PRCP: variants seen among roughly 807,000 people sequenced by gnomAD.
PRCP encodes lysosomal Pro-X carboxypeptidase.
PRCP carries 46 observed loss-of-function variants against 54.2 expected under a neutral mutation model. That is an observed-to-expected ratio of 0.85 (90% confidence interval 0.67 to 1.09). The LOEUF (loss-of-function observed/expected upper bound fraction) is 1.09, where lower values mean the gene tolerates loss of function less well. Among genes scored for constraint, PRCP ranks in the 50% least tolerant of loss-of-function variants. The probability of loss-of-function intolerance (pLI) is 0.00; values close to 1 mark genes in which losing one functional copy is unlikely to be tolerated. For missense variants in PRCP, 613 were observed against 596.8 expected (o/e 1.03, Z -0.28); for synonymous variants, 240 against 212.2 (o/e 1.13, Z -1.14).
chr11:82,850,227 A>G, intron 4 of PRCP, 97 bp downstream of exon 4: 1 of 1,180,952 alleles, frequency 8.5e-7, no homozygotes, highest in Non-Finnish European at 1.1e-6. Context: ...CAGAAACCTC[A>G]GGGTAATGGC....
intron 1 of PRCP, among the ~76,000 whole-genome samples, chr11:82,869,613 A>G (rs1212589976): frequency 6.6e-6 from 1 of 152,206 alleles, no homozygotes; most frequent in African/African-American, 2.4e-5. Flanking sequence ...TGTTTTGTCC[A>G]CTTCTGAGTA....
chr11:82,831,917 G>C (rs929325887), intron 8 of PRCP, among the ~76,000 whole-genome samples: 2 of 151,768 alleles, frequency 1.3e-5, no homozygotes, highest in Non-Finnish European at 2.9e-5. Flanking sequence ...CCCTCCCTGA[G>C]TCCATGTGTT....
rs190576193 is a variant in PRCP, at chr11:82,876,932, A to C, written c.169-16815T>G. Among the ~76,000 whole-genome samples the C allele has an allele frequency of 7.9e-5, 12 of 152,294 alleles. No homozygotes were observed. The East Asian group carries it at 2.3e-3, about 29-fold the overall frequency. ...TGGAGGGCTGAGAATAAGATAGGAA[A>C]ATGTGGGAAAGTTTGGAACCTCCTA... On this transcript the variant is annotated intron_variant, in intron 1 of 8. Transcript: ENST00000313010.
intron 6 of PRCP, among the ~76,000 whole-genome samples, chr11:82,847,358 G>GTTC (rs1190347191): frequency 2.0e-5 from 3 of 152,156 alleles, no homozygotes; most frequent in Non-Finnish European, 4.4e-5. Context: ...GAACAGTGAA[G>GTTC]ACCCAAGTTC....
rs35181078 is a variant in PRCP, at chr11:82,841,268, G to GAA, written c.922-1845_922-1844dup. Among the ~76,000 whole-genome samples, 122 of 141,138 alleles carry GAA rather than the reference G, an allele frequency of 8.6e-4. 5 individuals are homozygous for GAA. The highest frequency in any genetic ancestry group is 1.3e-3 in the Non-Finnish European group (86 of 64,600). 92.6% of individuals were successfully genotyped at this position (141,138 alleles called of 152,430 possible). On this transcript the variant is annotated intron_variant, in intron 6 of 8. Coordinates refer to ENST00000313010, the MANE Select transcript of PRCP (RefSeq NM_005040.4). ...TGCCTGGCACCAGCTGCCAGCGGGG[G>GAA]AAAAAAAAAAAAAGGAAAACTGTAA...
At chr11:82,884,836 T>C (rs749866163) in intron 1 of PRCP, 1 of 1,613,472 alleles carries the variant, frequency 6.2e-7, no homozygotes, top group East Asian at 2.2e-5. Flanking sequence ...AGGAGTCTTG[T>C]AATGATTTAG....
intron 1 of PRCP, among the ~76,000 whole-genome samples, chr11:82,882,710 T>C (rs986617511): frequency 6.8e-6 from 1 of 147,962 alleles, no homozygotes; most frequent in Non-Finnish European, 1.5e-5. Flanking sequence ...TTAGCCGGGA[T>C]GGTCTCGATC....
intron 1 of PRCP, chr11:82,884,923 T>G (rs983379322): frequency 2.5e-6 from 4 of 1,609,376 alleles, no homozygotes; most frequent in Non-Finnish European, 3.4e-6. Flanking sequence ...ACTAATATAT[T>G]TTGAAAGGTT....
intron 1 of PRCP, among the ~76,000 whole-genome samples, chr11:82,884,141 T>C (rs1184995857): frequency 6.6e-6 from 1 of 152,254 alleles, no homozygotes; most frequent in Non-Finnish European, 1.5e-5. Context: ...AGTACTTCCT[T>C]ACTTTCCTAT....
intron 6 of PRCP, chr11:82,839,828 C>T (rs78585413): frequency 0.012 from 2,324 of 197,856 alleles, 53 homozygotes; most frequent in African/African-American, 0.051. Context: ...TCATCTTTTA[C>T]AACACTCAAC....
chr11:82,868,722 G>A (rs1463349941), intron 1 of PRCP, among the ~76,000 whole-genome samples: 1 of 152,088 alleles, frequency 6.6e-6, no homozygotes, highest in East Asian at 1.9e-4. Flanking sequence ...GTTTATGAGG[G>A]GAAGACATGG....
At chr11:82,830,653 A>AAAAAAAAAAAAAAAAT (rs1565215932) in intron 8 of PRCP, 1 of 150,706 alleles carries the variant, frequency 6.6e-6, no homozygotes, top group African/African-American at 2.4e-5. Flanking sequence ...AAAAAAAAAA[A>AAAAAAAAAAAAAAAAT]AACTACACTC....
At chr11:82,886,456 T>C (rs1486258518) in intron 1 of PRCP, among the ~76,000 whole-genome samples, 1 of 152,130 alleles carries the variant, frequency 6.6e-6, no homozygotes. Flanking sequence ...GGCTAATTTT[T>C]GTATTTTTTT....
At chr11:82,834,133 G>A (rs1858459536) in intron 8 of PRCP, among the ~76,000 whole-genome samples, 1 of 152,206 alleles carries the variant, frequency 6.6e-6, no homozygotes, top group Admixed American at 6.5e-5. Context: ...CTTGAAAGCA[G>A]AGACTGGGCC....
In PRCP at chr11:82,900,258, A is replaced by C. The variant is rs748758778; in HGVS notation, c.145T>G (p.Ser49Ala). The C allele has an allele frequency of 4.8e-5, 78 of 1,614,086 alleles. No individual in the cohort carries two copies. The highest frequency in any genetic ancestry group is 6.2e-5 in the Non-Finnish European group (73 of 1,180,036). The change falls in exon 1 of 9, where the codon TCG becomes GCG. Residue 49 changes from serine (S) to alanine (A), a missense_variant. Coordinates refer to ENST00000313010, the MANE Select transcript of PRCP (RefSeq NM_005040.4). ...TSLPAVAKNY[S>A]VLYFQQKVDH... The stretch of plus-strand genomic sequence containing the variant: ...ACCTTCTGTTGGAAGTAGAGAACCG[A>C]ATAGTTCTTGGCTACAGCCGGGAGG...
At chr11:82,841,884 A>G (rs11233339) in intron 6 of PRCP, among the ~76,000 whole-genome samples, 25,002 of 152,214 alleles carry the variant, frequency 0.16, 2,133 homozygotes, top group Middle Eastern at 0.2. Context: ...GATATATTAA[A>G]CCATCTATTG....
chr11:82,825,800 A>T (rs1858216053), intron 8 of PRCP: 1 of 152,284 alleles, frequency 6.6e-6, no homozygotes, highest in Non-Finnish European at 1.5e-5. Context: ...ATTAGCTTTA[A>T]AGTTAAGGAA....
intron 1 of PRCP, among the ~76,000 whole-genome samples, chr11:82,872,640 T>C (rs1455904349): frequency 6.6e-6 from 1 of 152,140 alleles, no homozygotes; most frequent in Admixed American, 6.5e-5. Flanking sequence ...GACCAGACTC[T>C]TCCCCGGAGC....
At chr11:82,858,232 C>T (rs1372129990) in intron 2 of PRCP, 2 of 152,200 alleles carry the variant, frequency 1.3e-5, no homozygotes, top group African/African-American at 4.8e-5. Flanking sequence ...ACCATTATTA[C>T]TGTATCCATT....
Sources: gnomAD v4.1 joint callset for allele counts (sites outside exome capture counted in the v4.1 genomes callset) on GRCh38, gnomAD v4.1.1 for gene constraint, MANE v1.5 for transcripts, NCBI Gene and HGNC (gene_info 2026-07-23, HGNC 2026-07-21) for gene names.